The following PLIN4 variants were observed in gnomAD, a reference collection of about 807,000 sequenced individuals.
The protein encoded by PLIN4 is perilipin 4, also known as perilipin-4.
A neutral mutation model predicts 52.4 loss-of-function variants in PLIN4; 57 were observed. The observed-to-expected ratio is 1.09, with a 90% CI of 0.88 to 1.36. The LOEUF (loss-of-function observed/expected upper bound fraction) is 1.36. Ranked by LOEUF, PLIN4 falls within the 40% of genes most tolerant of loss-of-function variation. PLIN4 has a pLI of 0.00. For synonymous variants in PLIN4, 826 were observed against 785.4 expected, an observed-to-expected ratio of 1.05 and a Z score of -0.86; for missense variants, 1,757 against 1,770.3, an observed-to-expected ratio of 0.99 and a Z score of 0.13.
Position 4,512,768 on chromosome 19 carries a change from C to G in PLIN4, c.1192G>C (p.Gly398Arg). 6.4e-7 allele frequency: 1 copy of G among 1,560,738 alleles called. No homozygotes were observed. The highest frequency in any genetic ancestry group is 8.6e-7 in the Non-Finnish European group (1 of 1,158,988). ...CCAGTGGACATCGTGTCTTTCGTAC[C>G]CATGACCATAGACTTGGTGGTATCC... ...GLDTTKSMVM[G>R]TKDTMSTGLT... The change falls in exon 5 of 8, where the codon GGT becomes CGT. Residue 398 changes from glycine (G) to arginine (R), a missense_variant. Physicochemically the swap from Gly to Arg is moderately radical, Grantham distance 125. Coordinates refer to ENST00000301286, the MANE Select transcript of PLIN4 (RefSeq NM_001367868.2).
rs112937743 is a variant in PLIN4 at position 4,512,019 on chromosome 19, C to T, written c.1941G>A (p.Gly647=). ...TCGTTTTCAGCCCAGTTTGCACAGC[C>T]CCCTTGGCCACGTTCACGGCACTGG... is the stretch of plus-strand genomic sequence containing the variant. ...GVTSAVNVAK[G]AVQTGLKTTQ... The change falls in exon 5 of 8, where the codon GGG becomes GGA. Residue 647 remains glycine, a synonymous_variant. Transcript: ENST00000301286. 12 of 1,609,732 alleles carry T rather than the reference C, an allele frequency of 7.5e-6. No homozygotes were observed. The South Asian group carries it at 1.3e-4, about 18-fold the overall frequency.
rs1318450393 is a variant in PLIN4, at chr19:4,512,248, C to A, written c.1712G>T (p.Gly571Val). ...VIGTKDTMST[G>V]LTGAANVAKG... ...GGCCACATTCGCTGCCCCCGTGAGC[C>A]CAGTGGACATCGTGTCTTTTGTACC... Residue 571 changes from glycine (G) to valine (V), a missense_variant, in exon 5 of 8, where the codon GGG (glycine) becomes GTG (valine). Gly to Val is a moderately radical substitution (Grantham distance 109). Transcript: ENST00000301286. 2.0e-5 allele frequency: 32 copies of A among 1,612,688 alleles called. 1 individual carries two copies. The highest frequency in any genetic ancestry group is 2.7e-5 in the Non-Finnish European group (32 of 1,179,778).
chr19:4,514,911 C>T (rs1205029756), intron 4 of PLIN4, among the ~76,000 whole-genome samples: 1 of 145,698 alleles, frequency 6.9e-6, no homozygotes, highest in Non-Finnish European at 1.5e-5. Context: ...CACGGTGGCT[C>T]ACGCCTGTAA....
At chr19:4,510,060 A>ATT (rs113776616) in intron 5 of PLIN4, among the ~76,000 whole-genome samples, 136 of 113,054 alleles carry the variant, frequency 1.2e-3, no homozygotes, top group African/African-American at 4.9e-3. Flanking sequence ...AAATAAATAC[A>ATT]TTTTTAAAAA....
Position 4,511,109 on chromosome 19 carries a change from C to T in PLIN4, c.2851G>A (p.Asp951Asn). 1 of 1,610,912 alleles carries T rather than the reference C, an allele frequency of 6.2e-7. No individual in the cohort carries two copies. The highest frequency in any genetic ancestry group is 1.7e-5 in the Admixed American group (1 of 59,886). ...VAKGTVQTGV[D>N]TAKTVLSGAK... ...CCACTCAGCACCGTCTTGGCTGTGT[C>T]CACACCTGTCTGGACGGTCCCTTTG... The change falls in exon 5 of 8, where the codon GAC (aspartate) becomes AAC (asparagine). Residue 951 changes from aspartate (D) to asparagine (N), a missense_variant. Physicochemically the swap from Asp to Asn is conservative, Grantham distance 23. Transcript: ENST00000301286.
At chr19:4,514,508 G>A (rs1187700904) in intron 4 of PLIN4, among the ~76,000 whole-genome samples, 2 of 149,570 alleles carry the variant, frequency 1.3e-5, no homozygotes, top group African/African-American at 4.9e-5. Context: ...GGCAGATCAC[G>A]AGGTCAGGAG....
intron 5 of PLIN4, 93 bp from the exon 6 acceptor site, chr19:4,509,048 G>A (rs947293105): frequency 2.2e-5 from 28 of 1,253,348 alleles, no homozygotes; most frequent in Non-Finnish European, 2.8e-5. Context: ...GGCGGTTCCC[G>A]CCTGTGATCC....
chr19:4,510,469 T>G lies in PLIN4; in HGVS notation c.3491A>C (p.His1164Pro), dbSNP rs1599741467. 1 of 1,425,348 alleles carries G rather than the reference T, an allele frequency of 7.0e-7. No individual in the cohort carries two copies. Among genetic ancestry groups the G allele is most frequent in the Non-Finnish European group, 9.2e-7 (1 of 1,086,182 alleles). The allele number at this position is 1,425,348 out of a possible 1,614,324, so 88.3% of individuals were successfully genotyped here. ...ACCTTGCTCCTCCGCATTCATGGGG[T>G]GGAAGATGTCCCCCAGCCCCTCCAA... ...NELEGLGDIFHPMNAEEQAQL... is the reference protein window; with the variant it reads ...NELEGLGDIFPPMNAEEQAQL... Residue 1164 changes from histidine (H) to proline (P), a missense_variant, in exon 5 of 8, where the codon CAC (histidine) becomes CCC (proline). Physicochemically the swap from His to Pro is moderately conservative, Grantham distance 77. Around this residue, in one of 7 missense-constraint regions of PLIN4, gnomAD observed 712 missense variants for 637.1 expected, o/e 1.12. Transcript: ENST00000301286.
chr19:4,511,010 C>A lies in PLIN4; in HGVS notation c.2950G>T (p.Asp984Tyr). ...CCCATAAGCACAGCCTTGGAGGCGT[C>A]CACGCCGGTCTGCACGGTTCCTTTG... Reference protein sequence around the residue: ...VAKGTVQTGVDASKAVLMGTK... With the variant: ...VAKGTVQTGVYASKAVLMGTK... The change falls in exon 5 of 8, where the codon GAC becomes TAC. Residue 984 changes from aspartate to tyrosine, a missense_variant. Coordinates refer to ENST00000301286, the MANE Select transcript of PLIN4 (RefSeq NM_001367868.2). The A allele has an allele frequency of 6.2e-7, 1 of 1,613,256 alleles. No homozygotes were observed. The highest frequency in any genetic ancestry group is 8.5e-7 in the Non-Finnish European group (1 of 1,179,834).
At chr19:4,516,546 C>T in intron 4 of PLIN4, 71 bp downstream of exon 4, 1 of 1,516,230 alleles carries the variant, frequency 6.6e-7, no homozygotes, top group Non-Finnish European at 8.9e-7. Flanking sequence ...ATAGCAGGAA[C>T]TGAAATGTCG....
chr19:4,508,754 G>A lies in PLIN4; in HGVS notation c.3702+14C>T, dbSNP rs1976176688. 6.4e-7 allele frequency: 1 copy of A among 1,565,668 alleles called. No individual in the cohort carries two copies. The highest frequency in any genetic ancestry group is 1.2e-5 in the South Asian group (1 of 85,256). On this transcript the variant is annotated intron_variant, in intron 6 of 7. Coordinates refer to ENST00000301286, the MANE Select transcript of PLIN4 (RefSeq NM_001367868.2). ...TGCCCTGGGGACGGGGCAGCAGCAG[G>A]GGGAAGCTCTTACCAGCCTGAAGCA...
At chr19:4,505,932 G>A (rs1976079055) in intron 6 of PLIN4, among the ~76,000 whole-genome samples, 1 of 133,284 alleles carries the variant, frequency 7.5e-6, no homozygotes, top group African/African-American at 2.7e-5. Flanking sequence ...AGCCTCAGGG[G>A]TCTCTTGGGG....
intron 2 of PLIN4, 116 bp downstream of exon 2, chr19:4,518,106 G>A: frequency 1.1e-6 from 1 of 920,424 alleles, no homozygotes; most frequent in Non-Finnish European, 1.4e-6. Context: ...GCCCCCACCA[G>A]CCCACCAGGG....
At chr19:4,507,446 G>T (rs1023645360) in intron 6 of PLIN4, among the ~76,000 whole-genome samples, 10 of 152,224 alleles carry the variant, frequency 6.6e-5, no homozygotes, top group Admixed American at 5.9e-4. Flanking sequence ...GCACCCAGAG[G>T]CTGAGGCAGG....
rs1976178235 is a variant in PLIN4 at position 4,508,786 on chromosome 19, G to A, written c.3684C>T (p.Leu1228=). The A allele has an allele frequency of 1.3e-6, 2 of 1,589,948 alleles. No homozygotes were observed. Among genetic ancestry groups the A allele is most frequent in the East Asian group, 2.3e-5 (1 of 43,534 alleles). Residue 1228 remains leucine (L), a synonymous_variant, in exon 6 of 8, where the codon CTC becomes CTT. Coordinates refer to ENST00000301286, the MANE Select transcript of PLIN4 (RefSeq NM_001367868.2). ...QFQARDTLAQ[L]QDCFRLIEKA... ...CTCTTACCAGCCTGAAGCAGTCCTG[G>A]AGCTGGGCCAGAGTGTCCCTGGCTT...
chr19:4,504,570 C>G lies in PLIN4; in HGVS notation c.4005G>C (p.Glu1335Asp). 6.2e-7 allele frequency: 1 copy of G among 1,602,378 alleles called. No individual in the cohort carries two copies. Among genetic ancestry groups the G allele is most frequent in the Non-Finnish European group, 8.5e-7 (1 of 1,177,044 alleles). The change falls in exon 8 of 8, where the codon GAG becomes GAC. Residue 1335 changes from glutamate to aspartate, a missense_variant. By Grantham distance (45) the Glu-to-Asp change is conservative. Coordinates refer to ENST00000301286, the MANE Select transcript of PLIN4 (RefSeq NM_001367868.2). ...ACCCCTGCCAAGCCTGGTGCACACC[C>G]TCGCGGCTCTGCACCAGCCGCTCTG... ...LPAERLVQSR[E>D]GVHQAWQGLE...
In PLIN4 at chr19:4,510,459, A is replaced by G; in HGVS notation, c.3501T>C (p.Asn1167=). Residue 1167 remains asparagine, a synonymous_variant, in exon 5 of 8, where the codon AAT becomes AAC. Transcript: ENST00000301286. ...GCGTCCCCTCACCTTGCTCCTCCGC[A>G]TTCATGGGGTGGAAGATGTCCCCCA... is the stretch of plus-strand genomic sequence containing the variant. ...EGLGDIFHPM[N]AEEQAQLAAS... 7.0e-7 allele frequency: 1 copy of G among 1,421,524 alleles called. No homozygotes were observed. The highest frequency in any genetic ancestry group is 2.5e-5 in the East Asian group (1 of 40,104). 88.1% of individuals were successfully genotyped at this position (1,421,524 alleles called of 1,614,324 possible). A position where few individuals can be genotyped will look rare whatever the true frequency, so the allele number is the denominator to read the frequency against.
chr19:4,516,001 G>A (rs763008429), intron 4 of PLIN4, among the ~76,000 whole-genome samples: 7 of 150,528 alleles, frequency 4.7e-5, no homozygotes, highest in African/African-American at 1.3e-4. Context: ...CTTGCCAGGC[G>A]CAGTGGCTAA....
rs967049576 is a variant in PLIN4 at position 4,517,440 on chromosome 19, CACAG to C, written c.196+110_196+113del. ...GATGTCCTAGTGTCTGATGAGAGCA[CACAG>C]ACAAATATGGAGGACTCCCCAAATG... On this transcript the variant is annotated intron_variant, in intron 3 of 7. Coordinates refer to ENST00000301286, the MANE Select transcript of PLIN4 (RefSeq NM_001367868.2). The C allele has an allele frequency of 1.1e-5, 14 of 1,316,416 alleles. No individual in the cohort carries two copies. The African/African-American group carries it at 1.6e-4, about 15-fold the overall frequency. The allele number at this position is 1,316,416 out of a possible 1,614,324, so 81.5% of individuals were successfully genotyped here.
Sources: allele counts gnomAD v4.1 joint callset (sites outside exome capture counted in the v4.1 genomes callset), GRCh38; gene constraint gnomAD v4.1.1; regional missense constraint gnomAD v4.1.1; transcripts MANE v1.5; gene names NCBI Gene and HGNC (gene_info 2026-07-23, HGNC 2026-07-21).